The following NAV2 variants were observed in gnomAD, a reference collection of about 807,000 sequenced individuals.
NAV2 encodes neuron navigator 2, also known as helicase, APC down-regulated 1.
A neutral mutation model predicts 223.2 loss-of-function variants in NAV2; 54 were observed. That is an observed-to-expected ratio of 0.24 (90% CI 0.19 to 0.30). The LOEUF is 0.30. Among genes scored for constraint, NAV2 ranks in the 10% least tolerant of loss-of-function variants. The pLI, the probability that NAV2 is intolerant of heterozygous loss-of-function variation, is 1.00. For synonymous variants in NAV2, 1,279 were observed against 1,239.3 expected (o/e 1.03, Z -0.67); for missense variants, 2,806 against 3,147.5 (o/e 0.89, Z 2.60).
chr11:19,359,481 G>C (rs1176969093), intron 1 of NAV2, among the ~76,000 whole-genome samples: 1 of 152,158 alleles, frequency 6.6e-6, no homozygotes, highest in Non-Finnish European at 1.5e-5. Context: ...ACCCAAAAGG[G>C]GATGTACTGA....
chr11:20,070,709 C>T (rs1207194996), intron 22 of NAV2, among the ~76,000 whole-genome samples: 1 of 152,006 alleles, frequency 6.6e-6, no homozygotes, highest in Non-Finnish European at 1.5e-5. Context: ...GTTTTTATAC[C>T]ACTTGTGTTT....
chr11:20,044,352 CATT>C, intron 13 of NAV2, 80 bp downstream of exon 13: 1 of 1,271,162 alleles, frequency 7.9e-7, no homozygotes, highest in African/African-American at 1.5e-5. Context: ...AAGGACTTGA[CATT>C]ATATATTTTG....
rs371396397 is a variant in NAV2 at position 20,097,604 on chromosome 11, A to C, written c.6040A>C (p.Ser2014Arg). 2.0e-4 allele frequency: 321 copies of C among 1,603,194 alleles called. No individual in the cohort carries two copies. Among genetic ancestry groups the C allele is most frequent in the Non-Finnish European group, 2.7e-4 (317 of 1,176,988 alleles). Residue 2014 changes from serine (S) to arginine (R), a missense_variant, in exon 31 of 38, where the codon AGT becomes CGT. Ser to Arg is a moderately radical substitution (Grantham distance 110). Coordinates refer to ENST00000349880, the MANE Select transcript of NAV2 (RefSeq NM_145117.5). The part of the protein sequence containing the change: ...KEYIIHVDPV[S>R]QLGLNSDSVL... The stretch of plus-strand genomic sequence containing the variant: ...ATACATCATTCATGTCGACCCAGTG[A>C]GTCAGCTAGGGCTGAATTCAGACAG...
intron 1 of NAV2, among the ~76,000 whole-genome samples, chr11:19,609,353 A>G (rs1402366107): frequency 1.3e-5 from 2 of 152,228 alleles, no homozygotes; most frequent in Non-Finnish European, 2.9e-5. Context: ...AAAGAGAGGA[A>G]AGAGGGGAGG....
At chr11:19,913,245 T>C (rs1024341131) in intron 6 of NAV2, among the ~76,000 whole-genome samples, 2 of 152,238 alleles carry the variant, frequency 1.3e-5, no homozygotes, top group Admixed American at 6.5e-5. Flanking sequence ...TTTGTATTTT[T>C]TGTGTTTGCA....
At chr11:19,869,445 C>T (rs1241733312) in intron 4 of NAV2, among the ~76,000 whole-genome samples, 1 of 152,162 alleles carries the variant, frequency 6.6e-6, no homozygotes, top group African/African-American at 2.4e-5. Flanking sequence ...CTTAAAAAAG[C>T]ATGTGATTTA....
chr11:19,366,152 G>A (rs1312794643), intron 1 of NAV2, among the ~76,000 whole-genome samples: 1 of 152,214 alleles, frequency 6.6e-6, no homozygotes, highest in Non-Finnish European at 1.5e-5. Context: ...TCTCCCCTGA[G>A]CCAGCATGAT....
chr11:19,764,518 C>T (rs1036061467), intron 1 of NAV2, among the ~76,000 whole-genome samples: 5 of 152,168 alleles, frequency 3.3e-5, no homozygotes, highest in Non-Finnish European at 5.9e-5. Flanking sequence ...TGTTAAGAAA[C>T]TTGAACCCCT....
chr11:19,691,496 A>G (rs2049172985), intron 1 of NAV2, among the ~76,000 whole-genome samples: 1 of 152,182 alleles, frequency 6.6e-6, no homozygotes, highest in Admixed American at 6.5e-5. Flanking sequence ...ACTGCAGTGT[A>G]GTTCCAGGCA....
chr11:19,406,982 A>G (rs756607981), intron 1 of NAV2, among the ~76,000 whole-genome samples: 15 of 152,076 alleles, frequency 9.9e-5, no homozygotes, highest in Non-Finnish European at 1.8e-4. Flanking sequence ...TGGGACCTGT[A>G]TGGCTTTTAA....
intron 11 of NAV2, chr11:20,027,563 C>T: frequency 2.9e-6 from 2 of 694,102 alleles, no homozygotes; most frequent in Non-Finnish European, 3.5e-6. Flanking sequence ...CAGACTGTTT[C>T]CAAGGACAGT....
chr11:19,990,305 TCA>T (rs2051199734), intron 11 of NAV2, among the ~76,000 whole-genome samples: 1 of 152,162 alleles, frequency 6.6e-6, no homozygotes, highest in Non-Finnish European at 1.5e-5. Flanking sequence ...AGATCACAGG[TCA>T]GGGGTGATGC....
chr11:19,752,335 T>G (rs926168613), intron 1 of NAV2, among the ~76,000 whole-genome samples: 2 of 152,234 alleles, frequency 1.3e-5, no homozygotes, highest in African/African-American at 4.8e-5. Context: ...TGTTGTTTCC[T>G]GCATTTCTTG....
intron 1 of NAV2, among the ~76,000 whole-genome samples, chr11:19,397,426 T>C (rs1458193977): frequency 5.3e-5 from 6 of 113,008 alleles, no homozygotes; most frequent in African/African-American, 9.3e-5. Context: ...TGTGCGCGCA[T>C]GTGTGTGTAG....
At position 19,776,482 on chromosome 11, in the gene NAV2, G is replaced by T. The variant is rs151103257; in HGVS notation, c.268-56002G>T. 6.1e-3 allele frequency among the ~76,000 whole-genome samples: 933 copies of T among 152,210 alleles called. 9 individuals are homozygous for T. The highest frequency in any genetic ancestry group is 0.021 in the African/African-American group (866 of 41,524). The stretch of plus-strand genomic sequence containing the variant: ...CCTTGAATGGCCTTTCTCCAGCAGC[G>T]GCCAGGCAAGGTGTGTTTGGAAATA... On this transcript the variant is annotated intron_variant, in intron 1 of 37. Coordinates refer to ENST00000349880, the MANE Select transcript of NAV2 (RefSeq NM_145117.5).
intron 10 of NAV2, among the ~76,000 whole-genome samples, chr11:19,959,656 A>G (rs528829538): frequency 6.6e-6 from 1 of 152,322 alleles, no homozygotes; most frequent in South Asian, 2.1e-4. Flanking sequence ...ATCGTGCAGG[A>G]TAAAAGTACT....
chr11:19,593,116 G>A (rs2046108588), intron 1 of NAV2, among the ~76,000 whole-genome samples: 1 of 152,124 alleles, frequency 6.6e-6, no homozygotes, highest in Admixed American at 6.5e-5. Context: ...TCTCCCTTGT[G>A]CAGCCCCTTC....
intron 6 of NAV2, chr11:19,931,652 G>A (rs1281454761): frequency 6.6e-6 from 1 of 150,532 alleles, no homozygotes; most frequent in Non-Finnish European, 1.5e-5. Context: ...TCTGGGCACT[G>A]GAGTAGTTGT....
At chr11:19,836,926 G>A (rs1215442807) in intron 2 of NAV2, among the ~76,000 whole-genome samples, 1 of 152,132 alleles carries the variant, frequency 6.6e-6, no homozygotes, top group Non-Finnish European at 1.5e-5. Flanking sequence ...GCTCTCTTGG[G>A]CCTGTTTTAT....
Sources: allele counts gnomAD v4.1 joint callset (sites outside exome capture counted in the v4.1 genomes callset), GRCh38; gene constraint gnomAD v4.1.1; transcripts MANE v1.5; gene names NCBI Gene and HGNC (gene_info 2026-07-23, HGNC 2026-07-21).